PTPRM: variants seen among roughly 807,000 people sequenced by gnomAD.
PTPRM encodes protein tyrosine phosphatase receptor type M, also known as receptor-type tyrosine-protein phosphatase mu.
A neutral mutation model predicts 186.7 loss-of-function variants in PTPRM; 47 were observed. That is an observed-to-expected ratio of 0.25 (90% confidence interval 0.20 to 0.32). The LOEUF is 0.32. PTPRM is among the 10% of genes least tolerant of loss of function. The pLI, the probability that PTPRM is intolerant of heterozygous loss-of-function variation, is 1.00. For synonymous variants in PTPRM, 668 were observed against 674.9 expected (o/e 0.99, Z 0.16); for missense variants, 1,494 against 1,865.0 (o/e 0.80, Z 3.66).
chr18:7,647,604 G>A (rs975744342), intron 1 of PTPRM, among the ~76,000 whole-genome samples: 2 of 152,218 alleles, frequency 1.3e-5, no homozygotes, highest in African/African-American at 4.8e-5. Context: ...CTCTACATTT[G>A]TAAGGCTACG....
intron 1 of PTPRM, among the ~76,000 whole-genome samples, chr18:7,679,511 A>T (rs536145478): frequency 1.4e-4 from 22 of 152,238 alleles, no homozygotes; most frequent in African/African-American, 4.6e-4. Flanking sequence ...CTAAAGATAA[A>T]GAAATTAGCT....
intron 1 of PTPRM, among the ~76,000 whole-genome samples, chr18:7,582,014 G>A (rs1386597153): frequency 1.3e-5 from 2 of 152,050 alleles, no homozygotes. Context: ...ATTTTACATA[G>A]GTAGAAATGT....
At chr18:7,665,394 T>C (rs573687860) in intron 1 of PTPRM, among the ~76,000 whole-genome samples, 1 of 152,302 alleles carries the variant, frequency 6.6e-6, no homozygotes, top group South Asian at 2.1e-4. Context: ...TTTTGAGATA[T>C]TCAAATTTTC....
At chr18:8,291,071 C>T (rs2077862113) in intron 19 of PTPRM, among the ~76,000 whole-genome samples, 1 of 152,196 alleles carries the variant, frequency 6.6e-6, no homozygotes, top group Non-Finnish European at 1.5e-5. Context: ...TAAGTTGCTG[C>T]TCTGCAGATG....
At chr18:8,228,566 G>C (rs1043774809) in intron 14 of PTPRM, among the ~76,000 whole-genome samples, 2 of 151,936 alleles carry the variant, frequency 1.3e-5, no homozygotes, top group African/African-American at 4.8e-5. Flanking sequence ...AAATAGGCTG[G>C]GTGTGGTGGC....
chr18:7,901,589 C>T (rs1439283783), intron 3 of PTPRM, among the ~76,000 whole-genome samples: 1 of 152,092 alleles, frequency 6.6e-6, no homozygotes, highest in Non-Finnish European at 1.5e-5. Flanking sequence ...TGGGCTCGAT[C>T]CCTTGACCTT....
At chr18:8,330,197 G>C (rs543672354) in intron 22 of PTPRM, among the ~76,000 whole-genome samples, 1 of 152,264 alleles carries the variant, frequency 6.6e-6, no homozygotes, top group Admixed American at 6.5e-5. Context: ...CACTTTTCCA[G>C]AAATCTGGGC....
At chr18:8,245,830 G>A (rs1053156805) in intron 15 of PTPRM, among the ~76,000 whole-genome samples, 4 of 152,114 alleles carry the variant, frequency 2.6e-5, no homozygotes, top group African/African-American at 9.7e-5. Context: ...GTAGTTCTAG[G>A]TGTTTGAAGT....
At chr18:7,883,601 G>A (rs117900242) in intron 2 of PTPRM, among the ~76,000 whole-genome samples, 1,921 of 152,320 alleles carry the variant, frequency 0.013, 17 homozygotes, top group Middle Eastern at 0.02. Flanking sequence ...GGAAACACGA[G>A]TGTGGATAGA....
At chr18:8,288,732 C>T (rs1269068593) in intron 19 of PTPRM, among the ~76,000 whole-genome samples, 1 of 152,150 alleles carries the variant, frequency 6.6e-6, no homozygotes, top group Non-Finnish European at 1.5e-5. Context: ...TGCTCCAGTG[C>T]TCTTGAGGGC....
intron 14 of PTPRM, among the ~76,000 whole-genome samples, chr18:8,190,316 G>A (rs2093694348): frequency 6.6e-6 from 1 of 152,112 alleles, no homozygotes; most frequent in Non-Finnish European, 1.5e-5. Flanking sequence ...TCTTCTCCCT[G>A]CTTCTATGAG....
rs1412497089 is a variant in PTPRM at position 8,380,434 on chromosome 18, C to G, written c.3918+7C>G. The G allele has an allele frequency of 1.2e-6, 2 of 1,614,104 alleles. No individual in the cohort carries two copies. The highest frequency in any genetic ancestry group is 8.5e-7 in the Non-Finnish European group (1 of 1,180,006). On this transcript the variant is annotated splice_region_variant and intron_variant, in intron 29 of 32. Coordinates refer to ENST00000580170, the MANE Select transcript of PTPRM (RefSeq NM_001105244.2). ...TGATGTGGATCCTGCCCAGGTGAGA[C>G]CCGGACTTCTTACAGTCAGAACTAG...
intron 11 of PTPRM, among the ~76,000 whole-genome samples, chr18:8,100,313 G>C (rs1008692471): frequency 8.5e-5 from 13 of 152,128 alleles, no homozygotes; most frequent in Non-Finnish European, 1.8e-4. Context: ...GGCTAATTTT[G>C]TATTTTTAGT....
intron 14 of PTPRM, among the ~76,000 whole-genome samples, chr18:8,171,722 G>C (rs1033157060): frequency 2.0e-5 from 3 of 152,128 alleles, no homozygotes; most frequent in African/African-American, 7.2e-5. Context: ...GTAATCCTCT[G>C]AATGGCCCTA....
chr18:7,653,335 T>C (rs560390830), intron 1 of PTPRM, among the ~76,000 whole-genome samples: 1 of 152,080 alleles, frequency 6.6e-6, no homozygotes, highest in South Asian at 2.1e-4. Context: ...AATTTAACTT[T>C]TAAGTTCTAG....
At chr18:7,811,652 A>G (rs1262590337) in intron 2 of PTPRM, among the ~76,000 whole-genome samples, 3 of 152,112 alleles carry the variant, frequency 2.0e-5, no homozygotes, top group Admixed American at 6.6e-5. Flanking sequence ...GGCGTGAGCT[A>G]CTGTGCCCAG....
At chr18:8,108,744 T>A (rs1280762292) in intron 11 of PTPRM, among the ~76,000 whole-genome samples, 1 of 152,242 alleles carries the variant, frequency 6.6e-6, no homozygotes, top group East Asian at 1.9e-4. Flanking sequence ...AATTAAACTT[T>A]AAATTAAATT....
chr18:8,038,600 C>A (rs1292941577), intron 7 of PTPRM, among the ~76,000 whole-genome samples: 1 of 152,128 alleles, frequency 6.6e-6, no homozygotes, highest in Non-Finnish European at 1.5e-5. Context: ...ACTTGTTGGC[C>A]AGGCTCATCT....
At chr18:8,319,135 T>C in intron 21 of PTPRM, 43 bp from the exon 22 acceptor site, 3 of 1,346,582 alleles carry the variant, frequency 2.2e-6, no homozygotes, top group Non-Finnish European at 3.2e-6. Context: ...CTGCTGTTTA[T>C]CGATTTTATG....
Sources: allele counts gnomAD v4.1 joint callset (sites outside exome capture counted in the v4.1 genomes callset), GRCh38; gene constraint gnomAD v4.1.1; transcripts MANE v1.5; gene names NCBI Gene and HGNC (gene_info 2026-07-23, HGNC 2026-07-21).